Variants in NOX4 observed in about 807,000 individuals in gnomAD.
The protein encoded by NOX4 is kidney oxidase-1.
A neutral mutation model predicts 87.6 loss-of-function variants in NOX4; 69 were observed. The observed-to-expected ratio is 0.79, with a 90% CI of 0.65 to 0.96. NOX4 has a LOEUF of 0.96. Ranked by LOEUF, NOX4 falls within the 40% of genes least tolerant of loss-of-function variation. The probability of loss-of-function intolerance (pLI) is 0.00; values close to 1 mark genes in which losing one functional copy is unlikely to be tolerated. For missense variants in NOX4, 680 were observed against 681.5 expected (o/e 1.00, Z 0.02); for synonymous variants, 275 against 238.2 (o/e 1.15, Z -1.42).
At chr11:89,470,416 A>G (rs180858611) in intron 2 of NOX4, among the ~76,000 whole-genome samples, 126 of 152,312 alleles carry the variant, frequency 8.3e-4, no homozygotes, top group Middle Eastern at 3.4e-3. Flanking sequence ...TTCTATAAAT[A>G]TATGGTGGAT....
chr11:89,342,191 A>G lies in NOX4; in HGVS notation c.1220T>C (p.Leu407Pro). The G allele has an allele frequency of 6.2e-7, 1 of 1,600,456 alleles. No homozygotes were observed. The highest frequency in any genetic ancestry group is 8.5e-7 in the Non-Finnish European group (1 of 1,173,592). The change falls in exon 14 of 18, where the codon CTG (leucine) becomes CCG (proline). Residue 407 changes from leucine (L) to proline (P), a missense_variant and splice_region_variant. Physicochemically the swap from Leu to Pro is moderately conservative, Grantham distance 98. Transcript: ENST00000263317. ...PFIQSRNYPK[L>P]YIDGPFGSPF... is the part of the protein sequence containing the mutation. ...ACTTCCAAAAGGACCATCAATATAC[A>G]GCCTGTAGAGCAGTCAGAAAAAGGT...
the NOX4 span, among the ~76,000 whole-genome samples, chr11:89,560,733 C>A: frequency 1.3e-5 from 2 of 151,478 alleles, no homozygotes; most frequent in African/African-American, 4.9e-5. Context: ...TCTTCTCCTG[C>A]CTTTGGACAT....
At chr11:89,422,565 A>G (rs549001203) in intron 7 of NOX4, among the ~76,000 whole-genome samples, 3 of 152,288 alleles carry the variant, frequency 2.0e-5, no homozygotes, top group Admixed American at 2.0e-4. Flanking sequence ...GAAGTAAAAG[A>G]GAAACAGTTA....
the NOX4 span, among the ~76,000 whole-genome samples, chr11:89,534,713 C>T: frequency 1.3e-5 from 2 of 152,180 alleles, no homozygotes; most frequent in African/African-American, 2.4e-5. Context: ...TATCAGATGT[C>T]CTTACCCAGT....
intron 8 of NOX4, among the ~76,000 whole-genome samples, chr11:89,418,573 A>T (rs987356851): frequency 1.3e-5 from 2 of 151,762 alleles, no homozygotes; most frequent in African/African-American, 4.8e-5. Flanking sequence ...GAAAATTGAG[A>T]TCTGAAATAT....
the NOX4 span, among the ~76,000 whole-genome samples, chr11:89,582,411 T>C: frequency 6.6e-6 from 1 of 152,106 alleles, no homozygotes; most frequent in Admixed American, 6.6e-5. Context: ...AGAAGTGGGA[T>C]TGTTGGATCA....
intron 7 of NOX4, among the ~76,000 whole-genome samples, chr11:89,430,693 C>A (rs1039876635): frequency 4.6e-5 from 7 of 151,778 alleles, no homozygotes; most frequent in African/African-American, 1.2e-4. Flanking sequence ...CACTGCTCAA[C>A]GAAATAAAAG....
the NOX4 span, among the ~76,000 whole-genome samples, chr11:89,584,920 T>C: frequency 6.6e-6 from 1 of 152,146 alleles, no homozygotes; most frequent in South Asian, 2.1e-4. Flanking sequence ...CATTTTTGGT[T>C]TGTGGTCTAG....
chr11:89,586,535 C>G, the NOX4 span, among the ~76,000 whole-genome samples: 4 of 152,104 alleles, frequency 2.6e-5, no homozygotes, highest in Non-Finnish European at 5.9e-5. Flanking sequence ...TTTAAGTATT[C>G]TTAGTGCTTA....
In NOX4 at chr11:89,429,157, A is replaced by T. The variant is rs917673932; in HGVS notation, c.548+3627T>A. 5.6e-4 allele frequency among the ~76,000 whole-genome samples: 85 copies of T among 152,258 alleles called. No individual in the cohort carries two copies. The East Asian group carries it at 0.015, about 27-fold the overall frequency. ...GCAGAAATAAAGATATTCTTTGAAA[A>T]CAATGAGAAAAAAGACACAACATAC... On this transcript the variant is annotated intron_variant, in intron 7 of 17. Coordinates refer to ENST00000263317, the MANE Select transcript of NOX4 (RefSeq NM_016931.5).
chr11:89,478,381 C>T (rs1393571172), intron 2 of NOX4, among the ~76,000 whole-genome samples: 1 of 152,112 alleles, frequency 6.6e-6, no homozygotes, highest in Non-Finnish European at 1.5e-5. Context: ...AAATCATTTA[C>T]AGGTATATTT....
the NOX4 span, among the ~76,000 whole-genome samples, chr11:89,515,072 A>T: frequency 6.6e-6 from 1 of 152,066 alleles, no homozygotes; most frequent in African/African-American, 2.4e-5. Flanking sequence ...TTTTATGAAT[A>T]TGCATGTGCA....
In NOX4 at chr11:89,487,220, C is replaced by T. The variant is rs73537320; in HGVS notation, c.153+3238G>A. 1.4e-3 allele frequency among the ~76,000 whole-genome samples: 216 copies of T among 152,258 alleles called. 1 individual carries two copies. The highest frequency in any genetic ancestry group is 5.0e-3 in the African/African-American group (209 of 41,556). ...GGTATTTCAGCGAGTCATACAGCTT[C>T]CTCAGCCCATATTTCCTTGTATGTA... is the stretch of plus-strand genomic sequence containing the variant. On this transcript the variant is annotated intron_variant, in intron 2 of 17. Coordinates refer to ENST00000263317, the MANE Select transcript of NOX4 (RefSeq NM_016931.5).
the NOX4 span, among the ~76,000 whole-genome samples, chr11:89,554,981 T>A: frequency 6.6e-6 from 1 of 152,290 alleles, no homozygotes; most frequent in South Asian, 2.1e-4. Flanking sequence ...ACTAGTATAC[T>A]TTTAATGTAA....
At chr11:89,412,281 T>G (rs1942521148) in intron 8 of NOX4, among the ~76,000 whole-genome samples, 1 of 152,128 alleles carries the variant, frequency 6.6e-6, no homozygotes, top group African/African-American at 2.4e-5. Context: ...AATCAAGAAA[T>G]AAACATCAGA....
At chr11:89,398,565 A>G (rs1473022923) in intron 11 of NOX4, among the ~76,000 whole-genome samples, 1 of 151,402 alleles carries the variant, frequency 6.6e-6, no homozygotes, top group Non-Finnish European at 1.5e-5. Context: ...CTCCCTTTTC[A>G]ATTATTCCCT....
intron 7 of NOX4, among the ~76,000 whole-genome samples, chr11:89,432,208 G>A (rs968456332): frequency 3.3e-5 from 5 of 152,014 alleles, no homozygotes; most frequent in Non-Finnish European, 2.9e-5. Context: ...TTGTGGGGTT[G>A]GGAGAGGGGG....
chr11:89,429,436 A>C (rs1591216172), intron 7 of NOX4, among the ~76,000 whole-genome samples: 3 of 152,166 alleles, frequency 2.0e-5, no homozygotes, highest in South Asian at 4.1e-4. Context: ...TTTTTTGAAA[A>C]GATCAACAAA....
At chr11:89,523,968 C>T in the NOX4 span, among the ~76,000 whole-genome samples, 1 of 152,226 alleles carries the variant, frequency 6.6e-6, no homozygotes, top group African/African-American at 2.4e-5. Flanking sequence ...CAAAACAGAT[C>T]AGCAGCTCCC....
Sources: gnomAD v4.1 joint callset for allele counts (sites outside exome capture counted in the v4.1 genomes callset) on GRCh38, gnomAD v4.1.1 for gene constraint, MANE v1.5 for transcripts, NCBI Gene and HGNC (gene_info 2026-07-23, HGNC 2026-07-21) for gene names.